Variants in KHDRBS2 observed in about 807,000 individuals in gnomAD.
KHDRBS2 encodes the protein KH RNA binding domain containing, signal transduction associated 2, also known as KH domain-containing, RNA-binding, signal transduction-associated protein 2.
Under a neutral mutation model 44.3 loss-of-function variants are expected in KHDRBS2, and 26 were observed. The observed-to-expected ratio is 0.59, with a 90% CI of 0.43 to 0.81. KHDRBS2 has a LOEUF of 0.81. Among genes scored for constraint, KHDRBS2 ranks in the 40% least tolerant of loss-of-function variants. The pLI is 0.00. For synonymous variants in KHDRBS2, 194 were observed against 151.1 expected (o/e 1.28, Z -2.08); for missense variants, 476 against 433.1 (o/e 1.10, Z -0.88).
the KHDRBS2 span, among the ~76,000 whole-genome samples, chr6:61,651,282 A>AATATTTGCTATAATAG: frequency 6.6e-6 from 1 of 152,008 alleles, no homozygotes; most frequent in African/African-American, 2.4e-5. Flanking sequence ...TAGATTTTGG[A>AATATTTGCTATAATAG]ATATTTGCTA....
At chr6:61,577,734 A>G in the KHDRBS2 span, among the ~76,000 whole-genome samples, 13 of 152,306 alleles carry the variant, frequency 8.5e-5, no homozygotes, top group South Asian at 2.7e-3. Context: ...GAGTATAGAA[A>G]TAGTATTCTT....
At chr6:62,009,402 A>T (rs1779865248) in intron 3 of KHDRBS2, among the ~76,000 whole-genome samples, 2 of 152,220 alleles carry the variant, frequency 1.3e-5, no homozygotes, top group Non-Finnish European at 2.9e-5. Flanking sequence ...AACAGAGCAT[A>T]AAAGTTTGGA....
At chr6:62,128,035 C>A (rs1045070822) in intron 2 of KHDRBS2, among the ~76,000 whole-genome samples, 1 of 152,112 alleles carries the variant, frequency 6.6e-6, no homozygotes, top group African/African-American at 2.4e-5. Flanking sequence ...AACTTTTATT[C>A]TTTTATGTCC....
chr6:62,281,019 G>A (rs1225744390), intron 1 of KHDRBS2, among the ~76,000 whole-genome samples: 3 of 152,166 alleles, frequency 2.0e-5, no homozygotes, highest in African/African-American at 4.8e-5. Flanking sequence ...CCTGCTGAGA[G>A]TGAAGAACAT....
At chr6:62,162,243 T>C (rs1323533987) in intron 2 of KHDRBS2, among the ~76,000 whole-genome samples, 5 of 152,038 alleles carry the variant, frequency 3.3e-5, no homozygotes, top group Admixed American at 2.6e-4. Flanking sequence ...AAGGACCCCC[T>C]GAAGCATTTC....
At chr6:61,918,101 A>T (rs1327214300) in intron 4 of KHDRBS2, among the ~76,000 whole-genome samples, 1 of 151,994 alleles carries the variant, frequency 6.6e-6, no homozygotes, top group Non-Finnish European at 1.5e-5. Flanking sequence ...CTCAGAGGTT[A>T]AATGATAAAT....
Position 61,785,573 on chromosome 6 carries a change from A to C in KHDRBS2, c.811-52809T>G, listed in dbSNP as rs1346064896. Among the ~76,000 whole-genome samples the C allele has an allele frequency of 3.3e-5, 5 of 152,174 alleles. No individual in the cohort carries two copies. The East Asian group carries it at 9.6e-4, about 29-fold the overall frequency. On this transcript the variant is annotated intron_variant, in intron 6 of 8. Transcript: ENST00000281156. The stretch of plus-strand genomic sequence containing the variant: ...CATATGAAAATTGGAAAGACATAAA[A>C]ATTGTTAAAAAATAACTGTCTATGG...
At chr6:62,013,718 T>C (rs1453082652) in intron 3 of KHDRBS2, among the ~76,000 whole-genome samples, 1 of 152,212 alleles carries the variant, frequency 6.6e-6, no homozygotes, top group Admixed American at 6.5e-5. Context: ...GTCCTTACAG[T>C]AACTCAGTGA....
chr6:61,618,820 C>T, the KHDRBS2 span, among the ~76,000 whole-genome samples: 1 of 152,162 alleles, frequency 6.6e-6, no homozygotes, highest in Non-Finnish European at 1.5e-5. Flanking sequence ...TCAGTTGGAG[C>T]TCTTTTACAG....
the KHDRBS2 span, among the ~76,000 whole-genome samples, chr6:61,567,792 TTCA>T: frequency 6.6e-6 from 1 of 152,148 alleles, no homozygotes; most frequent in Admixed American, 6.6e-5. Context: ...TCTTTCTTTC[TTCA>T]TCTTTTCTTT....
At chr6:61,624,130 G>T in the KHDRBS2 span, among the ~76,000 whole-genome samples, 2 of 152,198 alleles carry the variant, frequency 1.3e-5, no homozygotes, top group African/African-American at 4.8e-5. Context: ...TGTATCATAT[G>T]TCAATGCCAA....
chr6:61,904,580 C>G (rs116383410), intron 4 of KHDRBS2, among the ~76,000 whole-genome samples: 1 of 152,106 alleles, frequency 6.6e-6, no homozygotes, highest in African/African-American at 2.4e-5. Context: ...CTATGCTACC[C>G]AAAAGCTTCT....
chr6:61,892,520 A>G (rs1802054751), intron 6 of KHDRBS2, among the ~76,000 whole-genome samples: 2 of 152,244 alleles, frequency 1.3e-5, no homozygotes, highest in South Asian at 4.1e-4. Flanking sequence ...GGCTACAGTA[A>G]CCAAAACAGC....
chr6:61,559,109 C>T, the KHDRBS2 span, among the ~76,000 whole-genome samples: 1 of 152,026 alleles, frequency 6.6e-6, no homozygotes, highest in Admixed American at 6.6e-5. Context: ...GTGTTGGATG[C>T]ATATATATTT....
intron 3 of KHDRBS2, among the ~76,000 whole-genome samples, chr6:61,990,735 G>T (rs1336072163): frequency 6.7e-6 from 1 of 150,044 alleles, no homozygotes; most frequent in Non-Finnish European, 1.5e-5. Flanking sequence ...TTGAGACTTG[G>T]TCTGTCACCC....
At chr6:61,706,451 A>G (rs1220148315) in intron 7 of KHDRBS2, among the ~76,000 whole-genome samples, 1 of 151,792 alleles carries the variant, frequency 6.6e-6, no homozygotes, top group Non-Finnish European at 1.5e-5. Context: ...TGCTACTCAG[A>G]GAGGATAAGA....
intron 1 of KHDRBS2, among the ~76,000 whole-genome samples, chr6:62,184,313 T>C (rs1395361250): frequency 6.6e-6 from 1 of 151,722 alleles, no homozygotes; most frequent in African/African-American, 2.4e-5. Context: ...TTTACCTCTT[T>C]GATACTCACG....
At chr6:61,952,455 G>T (rs1318510671) in intron 4 of KHDRBS2, among the ~76,000 whole-genome samples, 4 of 152,018 alleles carry the variant, frequency 2.6e-5, no homozygotes, top group South Asian at 2.1e-4. Context: ...ACTTTTCACT[G>T]AGTGCACTGA....
Position 62,068,400 on chromosome 6 carries a change from TG to T in KHDRBS2, c.220-20407del, listed in dbSNP as rs536060931. The stretch of plus-strand genomic sequence containing the variant: ...TGAGATATGAGTTATTTACATGTTC[TG>T]GCTATAAGACCCTTATCAGATACAT... On this transcript the variant is annotated intron_variant, in intron 2 of 8. Coordinates refer to ENST00000281156, the MANE Select transcript of KHDRBS2 (RefSeq NM_152688.4). 2.6e-4 allele frequency among the ~76,000 whole-genome samples: 40 copies of T among 151,730 alleles called. No homozygotes were observed. In the South Asian group the frequency reaches 8.3e-3, roughly 31 times the overall value.
Sources: gnomAD v4.1 joint callset for allele counts (sites outside exome capture counted in the v4.1 genomes callset) on GRCh38, gnomAD v4.1.1 for gene constraint, MANE v1.5 for transcripts, NCBI Gene and HGNC (gene_info 2026-07-23, HGNC 2026-07-21) for gene names.